The following FRMPD2 variants were observed in gnomAD, a reference collection of about 807,000 sequenced individuals.
The protein encoded by FRMPD2 is FERM and PDZ domain-containing protein 2.
Under a neutral mutation model 140.1 loss-of-function variants are expected in FRMPD2, and 96 were observed. That is an observed-to-expected ratio of 0.69 (90% CI 0.58 to 0.81). The LOEUF is 0.81. FRMPD2 is among the 40% of genes least tolerant of loss of function. The pLI, the probability that FRMPD2 is intolerant of heterozygous loss-of-function variation, is 0.00. For missense variants in FRMPD2, 1,240 were observed against 1,447.4 expected, an observed-to-expected ratio of 0.86 and a Z score of 2.32; for synonymous variants, 449 against 547.6, an observed-to-expected ratio of 0.82 and a Z score of 2.52.
chr10:48,176,878 G>A (rs1375058448), intron 22 of FRMPD2, among the ~76,000 whole-genome samples: 1 of 151,948 alleles, frequency 6.6e-6, no homozygotes, highest in Non-Finnish European at 1.5e-5. Flanking sequence ...TGCAGGCTTA[G>A]GGTCCAAGAA....
At chr10:48,245,273 A>G (rs1588852126) in intron 3 of FRMPD2, among the ~76,000 whole-genome samples, 1 of 152,228 alleles carries the variant, frequency 6.6e-6, no homozygotes, top group East Asian at 1.9e-4. Flanking sequence ...GTAGAATGGA[A>G]ATACACAGCC....
chr10:48,218,335 C>T (rs897330745), intron 12 of FRMPD2, among the ~76,000 whole-genome samples: 4 of 152,176 alleles, frequency 2.6e-5, no homozygotes, highest in Middle Eastern at 3.2e-3. Flanking sequence ...ACGTAGCAGA[C>T]TAGAACTTTA....
At chr10:48,257,853 G>T (rs1250436217) in intron 1 of FRMPD2, among the ~76,000 whole-genome samples, 1 of 152,132 alleles carries the variant, frequency 6.6e-6, no homozygotes, top group Non-Finnish European at 1.5e-5. Flanking sequence ...GTCTCTTTTT[G>T]TCTCTGCTCC....
At chr10:48,232,735 C>T (rs1300544002) in intron 9 of FRMPD2, among the ~76,000 whole-genome samples, 1 of 152,218 alleles carries the variant, frequency 6.6e-6, no homozygotes. Flanking sequence ...TAATTCTAAA[C>T]TTCAGAGAGA....
Position 48,212,094 on chromosome 10 carries a change from G to C in FRMPD2, c.1471C>G (p.Pro491Ala). The change falls in exon 13 of 29, where the codon CCA becomes GCA. Residue 491 changes from proline (P) to alanine (A), a missense_variant. Around this residue, in one of 6 missense-constraint regions of FRMPD2, gnomAD observed 1,161 missense variants for 1,055.9 expected, o/e 1.10. Coordinates refer to ENST00000374201, the MANE Select transcript of FRMPD2 (RefSeq NM_001018071.4). ...ATGTAATCTTCAACGTGAAAGTATG[G>C]CTTACTCTCCACCTGCTGGAAGTAA... is the stretch of plus-strand genomic sequence containing the variant. ...NYPKEQVESK[P>A]YFHVEDYIPA... is the part of the protein sequence containing the mutation. 1 of 1,614,052 alleles carries C rather than the reference G, an allele frequency of 6.2e-7. No individual in the cohort carries two copies. The highest frequency in any genetic ancestry group is 8.5e-7 in the Non-Finnish European group (1 of 1,179,974).
rs777422198 is a variant in FRMPD2 at position 48,192,895 on chromosome 10, C to G, written c.1955-1G>C. ...GCCATTTGCACAAACTTATCATGGT[C>G]TGAATTTGGGGAGAAAAACATAGAC... On this transcript the variant is annotated splice_acceptor_variant, in intron 15 of 28. Coordinates refer to ENST00000374201, the MANE Select transcript of FRMPD2 (RefSeq NM_001018071.4). LOFTEE classifies it high-confidence loss of function. 12 of 1,611,882 alleles carry G rather than the reference C, an allele frequency of 7.4e-6. No homozygotes were observed. The South Asian group carries it at 1.3e-4, about 18-fold the overall frequency.
At chr10:48,217,642 T>A (rs78937437) in intron 12 of FRMPD2, among the ~76,000 whole-genome samples, 2,184 of 152,336 alleles carry the variant, frequency 0.014, 50 homozygotes, top group African/African-American at 0.048. Context: ...TTTGCTTCAG[T>A]TCTGTTCTAT....
chr10:48,171,668 A>T (rs1588802673), intron 25 of FRMPD2, among the ~76,000 whole-genome samples: 3 of 152,214 alleles, frequency 2.0e-5, no homozygotes, highest in Admixed American at 6.5e-5. Context: ...ATCCATTTAG[A>T]TTGGTCACAT....
Position 48,239,650 on chromosome 10 carries a change from TG to T in FRMPD2, c.742del (p.His248IlefsTer5), listed in dbSNP as rs770312463. On this transcript the variant is annotated frameshift_variant, in exon 7 of 29. Coordinates refer to ENST00000374201, the MANE Select transcript of FRMPD2 (RefSeq NM_001018071.4). LOFTEE classifies it high-confidence loss of function. Reference protein sequence around the residue: ...STETQSSPEPHWSTLTHSHCS... With the variant: ...STETQSSPEPXWSTLTHSHCS... ...GTGACTGTGTGTCAAGGTGCTCCAA[TG>T]GGGCTCTGGTGAGCTCTGGGTCTCC... 1 of 1,614,136 alleles carries T rather than the reference TG, an allele frequency of 6.2e-7. No homozygotes were observed. The highest frequency in any genetic ancestry group is 1.1e-5 in the South Asian group (1 of 91,068).
intron 16 of FRMPD2, 98 bp downstream of exon 16, chr10:48,192,586 G>C: frequency 8.9e-7 from 1 of 1,123,146 alleles, no homozygotes; most frequent in Non-Finnish European, 1.3e-6. Context: ...GCAAAACTCA[G>C]TCTCAAAAAA....
chr10:48,192,023 T>C (rs772358897), intron 16 of FRMPD2, among the ~76,000 whole-genome samples: 1 of 152,202 alleles, frequency 6.6e-6, no homozygotes, highest in South Asian at 2.1e-4. Flanking sequence ...TTAGTTGATA[T>C]GTACACGTGC....
chr10:48,182,869 G>A (rs1838585525), intron 20 of FRMPD2, among the ~76,000 whole-genome samples: 1 of 152,270 alleles, frequency 6.6e-6, no homozygotes, highest in Admixed American at 6.5e-5. Context: ...GCTCCTGTCA[G>A]TGGAGGATGT....
chr10:48,270,135 C>T lies in FRMPD2; in HGVS notation c.25+4408G>A, dbSNP rs568948448. ...AGACTAAGAAAAGTCATAAAAGAAACGGTGATTCCTTATTAAACAATATGG... is the reference window on the plus strand; with the variant it reads ...AGACTAAGAAAAGTCATAAAAGAAATGGTGATTCCTTATTAAACAATATGG... On this transcript the variant is annotated intron_variant, in intron 1 of 28. Transcript: ENST00000374201. Among the ~76,000 whole-genome samples the T allele has an allele frequency of 2.2e-4, 33 of 152,294 alleles. No individual in the cohort carries two copies. In the South Asian group the frequency reaches 2.3e-3, roughly 11 times the overall value.
intron 10 of FRMPD2, among the ~76,000 whole-genome samples, chr10:48,231,519 C>T (rs1031303764): frequency 1.3e-5 from 2 of 152,232 alleles, no homozygotes; most frequent in Non-Finnish European, 2.9e-5. Flanking sequence ...ATGTACTTCT[C>T]TCTTTGTCTA....
intron 8 of FRMPD2, 35 bp from the exon 9 acceptor site, chr10:48,236,588 A>G: frequency 6.3e-7 from 1 of 1,599,620 alleles, no homozygotes; most frequent in East Asian, 2.2e-5. Context: ...TAGAGAAGAC[A>G]ACAGATTCCA....
At position 48,181,522 on chromosome 10, in the gene FRMPD2, A is replaced by G. The variant is rs552536001; in HGVS notation, c.2585-514T>C. On this transcript the variant is annotated intron_variant, in intron 20 of 28. Coordinates refer to ENST00000374201, the MANE Select transcript of FRMPD2 (RefSeq NM_001018071.4). ...GCAGCCACCATGTGATCCAAAAACC[A>G]ACGTATCAGGTCCTTTTGGGAGGCT... 1.2e-3 allele frequency among the ~76,000 whole-genome samples: 177 copies of G among 152,202 alleles called. 1 individual carries two copies. The highest frequency in any genetic ancestry group is 1.7e-3 in the Non-Finnish European group (115 of 68,004).
At chr10:48,187,385 A>C (rs1232628331) in intron 16 of FRMPD2, 93 bp from the exon 17 acceptor site, 3 of 984,000 alleles carry the variant, frequency 3.0e-6, no homozygotes, top group Non-Finnish European at 4.7e-6. Flanking sequence ...ACTTCTTGGC[A>C]TTTCTGAGTA....
intron 1 of FRMPD2, among the ~76,000 whole-genome samples, chr10:48,271,238 G>T (rs536951993): frequency 2.6e-5 from 4 of 152,056 alleles, no homozygotes; most frequent in Non-Finnish European, 5.9e-5. Context: ...GGGGACACTC[G>T]CATCTGGAGC....
chr10:48,224,452 G>T (rs1207086529), intron 10 of FRMPD2, among the ~76,000 whole-genome samples: 2 of 152,136 alleles, frequency 1.3e-5, no homozygotes, highest in Non-Finnish European at 2.9e-5. Context: ...ATGCATGCTG[G>T]GGTGGGGAGG....
Sources: gnomAD v4.1 joint callset for allele counts (sites outside exome capture counted in the v4.1 genomes callset) on GRCh38, gnomAD v4.1.1 for gene constraint, gnomAD v4.1.1 regional missense constraint, MANE v1.5 for transcripts, NCBI Gene and HGNC (gene_info 2026-07-23, HGNC 2026-07-21) for gene names.